CLSTN2: variants seen among roughly 807,000 people sequenced by gnomAD.
The protein encoded by CLSTN2 is calsyntenin-2.
A neutral mutation model predicts 101.2 loss-of-function variants in CLSTN2; 48 were observed. The observed-to-expected ratio is 0.47, with a 90% confidence interval of 0.38 to 0.60. The LOEUF (loss-of-function observed/expected upper bound fraction) is 0.60, where lower values mean the gene tolerates loss of function less well. CLSTN2 is among the 20% of genes least tolerant of loss of function. CLSTN2 has a pLI of 0.00. For missense variants in CLSTN2, 1,160 were observed against 1,238.2 expected, an observed-to-expected ratio of 0.94 and a Z score of 0.95; for synonymous variants, 481 against 463.6, an observed-to-expected ratio of 1.04 and a Z score of -0.48.
chr3:140,114,191 A>G (rs1363171810), intron 1 of CLSTN2, among the ~76,000 whole-genome samples: 3 of 152,184 alleles, frequency 2.0e-5, no homozygotes, highest in African/African-American at 7.2e-5. Flanking sequence ...CTCCAGGGCT[A>G]TGCTCACAGT....
At chr3:140,132,935 T>C (rs773240064) in intron 1 of CLSTN2, among the ~76,000 whole-genome samples, 1 of 152,220 alleles carries the variant, frequency 6.6e-6, no homozygotes, top group Non-Finnish European at 1.5e-5. Flanking sequence ...GATTTTTAAA[T>C]GGAGATGGGG....
At chr3:139,998,335 C>CTTTTTTTTTTTTTTTTTTTTTTTTTTTT (rs1290360293) in intron 1 of CLSTN2, among the ~76,000 whole-genome samples, 1 of 20,432 alleles carries the variant, frequency 4.9e-5, no homozygotes, top group Non-Finnish European at 7.8e-5. Context: ...CCCCCACATG[C>CTTTTTTTTTTTTTTTTTTTTTTTTTTTT]CTTTTTTTTT....
At chr3:140,242,841 C>A (rs959065451) in intron 2 of CLSTN2, among the ~76,000 whole-genome samples, 1 of 152,202 alleles carries the variant, frequency 6.6e-6, no homozygotes, top group African/African-American at 2.4e-5. Context: ...GAACACTGCA[C>A]CGTTATGGCC....
intron 2 of CLSTN2, among the ~76,000 whole-genome samples, chr3:140,196,932 T>A (rs1387456707): frequency 2.0e-5 from 3 of 152,234 alleles, no homozygotes; most frequent in Non-Finnish European, 2.9e-5. Context: ...CAATTCCACA[T>A]TTTTTATGAG....
At position 140,571,404 on chromosome 3, in the gene CLSTN2, C is replaced by T. The variant is rs570653985; in HGVS notation, c.*5151C>T. ...ATTTAAATTAACCAAATAGTTTTTA[C>T]AAAAAAGTAGGTAAGTGGGTTTAAT... On this transcript the variant is annotated 3_prime_UTR_variant, in exon 17 of 17. Coordinates refer to ENST00000458420, the MANE Select transcript of CLSTN2 (RefSeq NM_022131.3). The T allele has an allele frequency of 1.8e-4, 28 of 152,094 alleles. No individual in the cohort carries two copies. Among genetic ancestry groups the T allele is most frequent in the Admixed American group, 1.6e-3 (24 of 15,306 alleles). The allele number at this position is 152,094 out of a possible 1,614,324, so 9.4% of individuals were successfully genotyped here.
intron 1 of CLSTN2, among the ~76,000 whole-genome samples, chr3:139,987,574 G>C (rs1242017933): frequency 6.6e-6 from 1 of 152,148 alleles, no homozygotes; most frequent in African/African-American, 2.4e-5. Context: ...ATATTGCATA[G>C]GTAAGAGAGA....
chr3:140,338,555 A>G (rs2087463514), intron 2 of CLSTN2, among the ~76,000 whole-genome samples: 1 of 150,212 alleles, frequency 6.7e-6, no homozygotes, highest in Admixed American at 6.6e-5. Context: ...ATACACATAA[A>G]ATGTCCAGTC....
chr3:140,245,569 T>C (rs1320014913), intron 2 of CLSTN2, among the ~76,000 whole-genome samples: 3 of 152,172 alleles, frequency 2.0e-5, no homozygotes, highest in Non-Finnish European at 4.4e-5. Flanking sequence ...GAATTCACTG[T>C]GGTGACAAGA....
chr3:140,296,512 G>A (rs2087005729), intron 2 of CLSTN2, among the ~76,000 whole-genome samples: 1 of 152,092 alleles, frequency 6.6e-6, no homozygotes, highest in African/African-American at 2.4e-5. Flanking sequence ...TTTTCAAACA[G>A]TCTCAGCTTA....
chr3:139,990,299 A>G (rs1309766256), intron 1 of CLSTN2, among the ~76,000 whole-genome samples: 1 of 152,190 alleles, frequency 6.6e-6, no homozygotes, highest in African/African-American at 2.4e-5. Flanking sequence ...GGCTGCCATG[A>G]TATGCTGGAT....
At chr3:140,302,413 G>T (rs2087068818) in intron 2 of CLSTN2, among the ~76,000 whole-genome samples, 1 of 152,162 alleles carries the variant, frequency 6.6e-6, no homozygotes, top group African/African-American at 2.4e-5. Flanking sequence ...TGTTCATTTG[G>T]TTCCCTTGGG....
intron 8 of CLSTN2, among the ~76,000 whole-genome samples, chr3:140,478,872 G>GAGGA (rs34907334): frequency 0.13 from 18,147 of 141,216 alleles, 1,368 homozygotes; most frequent in East Asian, 0.29. Context: ...AAGGGGGAAG[G>GAGGA]AGGAAGGAAG....
At chr3:139,977,155 C>T (rs113976757) in intron 1 of CLSTN2, among the ~76,000 whole-genome samples, 11 of 152,184 alleles carry the variant, frequency 7.2e-5, no homozygotes, top group African/African-American at 2.7e-4. Context: ...CCGCTGTTTC[C>T]TCAAGTGTTC....
intron 1 of CLSTN2, among the ~76,000 whole-genome samples, chr3:140,144,088 A>G (rs2009745056): frequency 1.3e-5 from 2 of 152,250 alleles, no homozygotes; most frequent in African/African-American, 4.8e-5. Flanking sequence ...CTCCCAAATC[A>G]CATGAAAAGC....
chr3:140,202,490 C>T (rs1325162078), intron 2 of CLSTN2, among the ~76,000 whole-genome samples: 2 of 152,078 alleles, frequency 1.3e-5, no homozygotes, highest in Non-Finnish European at 2.9e-5. Context: ...AGGAAGGATG[C>T]GGGTGGAGTA....
intron 1 of CLSTN2, among the ~76,000 whole-genome samples, chr3:140,021,044 A>C (rs2007305407): frequency 6.6e-6 from 1 of 152,208 alleles, no homozygotes; most frequent in Admixed American, 6.5e-5. Flanking sequence ...AAAACAAAGA[A>C]AAAAACTACT....
chr3:140,282,906 C>A (rs1412478355), intron 2 of CLSTN2, among the ~76,000 whole-genome samples: 1 of 152,162 alleles, frequency 6.6e-6, no homozygotes, highest in Non-Finnish European at 1.5e-5. Context: ...AGGGACTTTT[C>A]CATCGCAAAA....
At chr3:140,347,665 T>C (rs1394596270) in intron 2 of CLSTN2, among the ~76,000 whole-genome samples, 2 of 152,308 alleles carry the variant, frequency 1.3e-5, no homozygotes, top group Non-Finnish European at 2.9e-5. Flanking sequence ...CCCCTCACTC[T>C]CAGGAATTAT....
chr3:140,535,431 A>C (rs1935338918), intron 9 of CLSTN2, among the ~76,000 whole-genome samples: 1 of 152,246 alleles, frequency 6.6e-6, no homozygotes, highest in Admixed American at 6.5e-5. Flanking sequence ...TTTATTTAAA[A>C]GCCATTCCAC....
Sources: allele counts gnomAD v4.1 joint callset (sites outside exome capture counted in the v4.1 genomes callset), GRCh38; gene constraint gnomAD v4.1.1; transcripts MANE v1.5; gene names NCBI Gene and HGNC (gene_info 2026-07-23, HGNC 2026-07-21).